KDM7A: variants seen among roughly 807,000 people sequenced by gnomAD.
KDM7A encodes lysine demethylase 7A.
In KDM7A, 28 loss-of-function variants were observed where a neutral mutation model predicts 114.8. That is an observed-to-expected ratio of 0.24 (90% CI 0.18 to 0.33). The LOEUF (loss-of-function observed/expected upper bound fraction) is 0.33, where lower values mean the gene tolerates loss of function less well. Ranked by LOEUF, KDM7A falls within the 10% of genes least tolerant of loss-of-function variation. The pLI is 1.00. For missense variants in KDM7A, 942 were observed against 1,142.5 expected, an observed-to-expected ratio of 0.82 and a Z score of 2.53; for synonymous variants, 423 against 397.8, an observed-to-expected ratio of 1.06 and a Z score of -0.75.
intron 1 of KDM7A, among the ~76,000 whole-genome samples, chr7:140,164,598 G>GA (rs1312131064): frequency 1.3e-5 from 2 of 152,018 alleles, no homozygotes; most frequent in African/African-American, 4.8e-5. Context: ...AACAAATAGT[G>GA]AAAAAAATTA....
chr7:140,169,842 C>T (rs1164952440), intron 1 of KDM7A, among the ~76,000 whole-genome samples: 1 of 152,160 alleles, frequency 6.6e-6, no homozygotes, highest in Non-Finnish European at 1.5e-5. Context: ...TTTTAAAAAG[C>T]TTATGAGAGA....
At chr7:140,159,913 C>T (rs1794498922) in intron 1 of KDM7A, among the ~76,000 whole-genome samples, 1 of 142,198 alleles carries the variant, frequency 7.0e-6, no homozygotes. Flanking sequence ...TTCTCATTTG[C>T]TTATTTAAGT....
Position 140,098,865 on chromosome 7 carries a change from T to A in KDM7A, c.1918+14A>T. 6.3e-7 allele frequency: 1 copy of A among 1,594,374 alleles called. No individual in the cohort carries two copies. ...AATCAAAAGATCTTTAAAATAACCA[T>A]TAAAAAAACATACCATTCAGTGGTT... is the stretch of plus-strand genomic sequence containing the variant. On this transcript the variant is annotated intron_variant, in intron 14 of 19. Transcript: ENST00000397560.
chr7:140,161,042 C>T (rs1040964792), intron 1 of KDM7A, among the ~76,000 whole-genome samples: 2 of 152,012 alleles, frequency 1.3e-5, no homozygotes, highest in Non-Finnish European at 2.9e-5. Context: ...AAAAAAGTAC[C>T]GAAATAGGAA....
chr7:140,109,934 T>A (rs1010896790), intron 11 of KDM7A, among the ~76,000 whole-genome samples: 5 of 152,232 alleles, frequency 3.3e-5, no homozygotes, highest in African/African-American at 1.2e-4. Context: ...TATATTTTTC[T>A]CTGGAGACAT....
At chr7:140,101,886 T>C (rs1361704524) in intron 12 of KDM7A, 65 bp downstream of exon 12, 3 of 1,026,622 alleles carry the variant, frequency 2.9e-6, no homozygotes, top group South Asian at 2.7e-5. Flanking sequence ...ATTCTCTTAT[T>C]ATCCCTATAA....
At chr7:140,103,851 G>T (rs1054124281) in intron 11 of KDM7A, among the ~76,000 whole-genome samples, 1 of 152,144 alleles carries the variant, frequency 6.6e-6, no homozygotes, top group Non-Finnish European at 1.5e-5. Flanking sequence ...GGGTCAAATG[G>T]TATTTCTAGT....
At position 140,103,551 on chromosome 7, in the gene KDM7A, A is replaced by T. The variant is rs568765576; in HGVS notation, c.1429-1391T>A. 2.0e-5 allele frequency among the ~76,000 whole-genome samples: 3 copies of T among 151,946 alleles called. No homozygotes were observed. The South Asian group carries it at 6.2e-4, about 32-fold the overall frequency. On this transcript the variant is annotated intron_variant, in intron 11 of 19. Transcript: ENST00000397560. The stretch of plus-strand genomic sequence containing the variant: ...TGTTCAATTCCCATCTATGAGTGAG[A>T]ACATGCGGTGTTTGGTTTTTTGTCC...
chr7:140,157,250 T>A (rs939441699), intron 1 of KDM7A, among the ~76,000 whole-genome samples: 1 of 152,250 alleles, frequency 6.6e-6, no homozygotes, highest in African/African-American at 2.4e-5. Context: ...TCTAAAGACA[T>A]GAATAAAATC....
chr7:140,126,219 G>T (rs976843754), intron 6 of KDM7A, among the ~76,000 whole-genome samples: 3 of 152,060 alleles, frequency 2.0e-5, no homozygotes, highest in African/African-American at 7.2e-5. Flanking sequence ...CCAAGAACTG[G>T]TATTTTTATA....
At chr7:140,115,504 G>C (rs986248962) in intron 9 of KDM7A, among the ~76,000 whole-genome samples, 2 of 152,212 alleles carry the variant, frequency 1.3e-5, no homozygotes, top group Non-Finnish European at 2.9e-5. Flanking sequence ...CCCCAACCCC[G>C]TGCTCTCTGA....
chr7:140,174,964 C>T (rs1311577030), intron 1 of KDM7A, among the ~76,000 whole-genome samples: 2 of 142,722 alleles, frequency 1.4e-5, no homozygotes, highest in Non-Finnish European at 3.2e-5. Flanking sequence ...AAAAATAGTT[C>T]TTTGAAAAAA....
rs1817987848 is a variant in KDM7A, at chr7:140,089,590, T to C, written c.*1504A>G. On this transcript the variant is annotated 3_prime_UTR_variant, in exon 20 of 20. Coordinates refer to ENST00000397560, the MANE Select transcript of KDM7A (RefSeq NM_030647.2). Reference sequence around the variant, plus strand: ...TGTAGGAATTTGTAAAATGCTCTATTGTCAGACTTGGGAACATTTCTGCCC... The same window carrying C: ...TGTAGGAATTTGTAAAATGCTCTATCGTCAGACTTGGGAACATTTCTGCCC... 1 of 152,224 alleles carries C rather than the reference T, an allele frequency of 6.6e-6. No individual in the cohort carries two copies. Among genetic ancestry groups the C allele is most frequent in the South Asian group, 2.1e-4 (1 of 4,832 alleles). 9.4% of individuals were successfully genotyped at this position (152,224 alleles called of 1,614,324 possible). A position where few individuals can be genotyped will look rare whatever the true frequency, so the allele number is the denominator to read the frequency against.
intron 9 of KDM7A, among the ~76,000 whole-genome samples, chr7:140,115,918 A>C (rs1818522473): frequency 6.6e-6 from 1 of 150,998 alleles, no homozygotes; most frequent in Non-Finnish European, 1.5e-5. Context: ...TTATACACAT[A>C]TGAAAAAAAC....
chr7:140,092,124 G>C (rs1585135090), intron 18 of KDM7A, 47 bp from the exon 19 acceptor site: 10 of 1,575,844 alleles, frequency 6.3e-6, no homozygotes, highest in Non-Finnish European at 8.7e-6. Flanking sequence ...GGGTTTAAAT[G>C]AGGTATTTAA....
chr7:140,134,880 C>T (rs6464553), intron 2 of KDM7A, among the ~76,000 whole-genome samples: 63,018 of 151,622 alleles, frequency 0.42, 13,343 homozygotes, highest in Middle Eastern at 0.47. Context: ...ACAAAGATCA[C>T]AGTAATACAA....
At position 140,126,786 on chromosome 7, in the gene KDM7A, T is replaced by C; in HGVS notation, c.739A>G (p.Lys247Glu). The C allele has an allele frequency of 6.2e-7, 1 of 1,614,046 alleles. No homozygotes were observed. Among genetic ancestry groups the C allele is most frequent in the Middle Eastern group, 1.7e-4 (1 of 6,060 alleles). ...CAATAATTTTCCACCCAGGAAAGTT[T>C]TTTGGCTATATCAGGGACCTCCACC... Reference protein sequence around the residue: ...ELVEVPDIAKKLSWVENYWPD... With the variant: ...ELVEVPDIAKELSWVENYWPD... The change falls in exon 6 of 20, where the codon AAA becomes GAA. Residue 247 changes from lysine (K) to glutamate (E), a missense_variant. By Grantham distance (56) the Lys-to-Glu change is moderately conservative. Coordinates refer to ENST00000397560, the MANE Select transcript of KDM7A (RefSeq NM_030647.2).
At chr7:140,123,559 C>T (rs1327147925) in intron 7 of KDM7A, among the ~76,000 whole-genome samples, 1 of 152,160 alleles carries the variant, frequency 6.6e-6, no homozygotes, top group Non-Finnish European at 1.5e-5. Flanking sequence ...ATTTGCATTA[C>T]ATACTTACCA....
chr7:140,159,763 A>G (rs1794497521), intron 1 of KDM7A, among the ~76,000 whole-genome samples: 1 of 152,122 alleles, frequency 6.6e-6, no homozygotes, highest in Non-Finnish European at 1.5e-5. Flanking sequence ...ATATAACCAC[A>G]AGAATGGCTA....
Sources: gnomAD v4.1 joint callset for allele counts (sites outside exome capture counted in the v4.1 genomes callset) on GRCh38, gnomAD v4.1.1 for gene constraint, MANE v1.5 for transcripts, NCBI Gene and HGNC (gene_info 2026-07-23, HGNC 2026-07-21) for gene names.